Variants in EVC observed in about 807,000 individuals in gnomAD.
The protein encoded by EVC is EvC ciliary complex subunit 1, also known as evC complex member EVC.
Under a neutral mutation model 118.9 loss-of-function variants are expected in EVC, and 116 were observed. The ratio of observed to expected loss-of-function variants is 0.98; its 90% CI spans 0.84 to 1.14. The LOEUF (loss-of-function observed/expected upper bound fraction) is 1.14, where lower values mean the gene tolerates loss of function less well. Ranked by LOEUF, EVC falls within the 50% of genes most tolerant of loss-of-function variation. The probability of loss-of-function intolerance (pLI) is 0.00; values close to 1 mark genes in which losing one functional copy is unlikely to be tolerated. For synonymous variants in EVC, 619 were observed against 534.7 expected (o/e 1.16, Z -2.18); for missense variants, 1,401 against 1,246.4 (o/e 1.12, Z -1.87).
chr4:5,711,208 G>C lies in EVC; in HGVS notation c.-173G>C, dbSNP rs538106950. 1.2e-4 allele frequency: 35 copies of C among 288,392 alleles called. No individual in the cohort carries two copies. Among genetic ancestry groups the C allele is most frequent in the Non-Finnish European group, 1.7e-4 (32 of 191,756 alleles). The allele number at this position is 288,392 out of a possible 1,614,324, so 17.9% of individuals were successfully genotyped here. On this transcript the variant is annotated 5_prime_UTR_variant, in exon 1 of 21. Coordinates refer to ENST00000264956, the MANE Select transcript of EVC (RefSeq NM_153717.3). ...TGATCCAGGCTCCTCCCTCCGGCTC[G>C]GCGAAGCAGGGAAGGGGAGAGAAGC...
At chr4:5,794,400 A>G (rs1185566008) in intron 13 of EVC, among the ~76,000 whole-genome samples, 1 of 126,180 alleles carries the variant, frequency 7.9e-6, no homozygotes, top group East Asian at 2.8e-4. Flanking sequence ...TTTTATATAT[A>G]TATATATTTT....
Position 5,742,857 on chromosome 4 carries a change from GC to G in EVC, c.801+1045del, listed in dbSNP as rs1728815476. 6.6e-6 allele frequency among the ~76,000 whole-genome samples: 1 copy of G among 152,210 alleles called. No individual in the cohort carries two copies. Among genetic ancestry groups the G allele is most frequent in the Non-Finnish European group, 1.5e-5 (1 of 68,044 alleles). On this transcript the variant is annotated intron_variant, in intron 6 of 20. Coordinates refer to ENST00000264956, the MANE Select transcript of EVC (RefSeq NM_153717.3). This position sits in a 1 kb window ranked among gnomAD's most constrained non-coding sequence, Gnocchi z 5.2. ...CACCTAGGAAGGAATTCAAGGGAGA[GC>G]CAGTGGTGTTAGACAGTAGTGTTTT... is the stretch of plus-strand genomic sequence containing the variant.
At chr4:5,726,552 G>A (rs1725838322) in intron 2 of EVC, among the ~76,000 whole-genome samples, 1 of 135,556 alleles carries the variant, frequency 7.4e-6, no homozygotes, top group Non-Finnish European at 1.5e-5. Context: ...GCCCACTGAT[G>A]AGTTTCTTCT....
chr4:5,817,714 G>C (rs190729385), downstream of EVC, among the ~76,000 whole-genome samples: 14 of 152,330 alleles, frequency 9.2e-5, no homozygotes. Context: ...GAGTAACACA[G>C]AGGAGGGTTA....
At chr4:5,727,951 T>C (rs1308685942) in intron 2 of EVC, among the ~76,000 whole-genome samples, 2 of 149,410 alleles carry the variant, frequency 1.3e-5, no homozygotes, top group Non-Finnish European at 3.0e-5. Context: ...TTGGTACAAG[T>C]ACCATGCTGT....
chr4:5,761,089 C>G (rs1040816953), intron 11 of EVC, among the ~76,000 whole-genome samples: 2 of 152,162 alleles, frequency 1.3e-5, no homozygotes, highest in Non-Finnish European at 2.9e-5. Flanking sequence ...CCTGGCTGGG[C>G]GTCCTTGGGC....
Position 5,753,801 on chromosome 4 carries a change from C to T in EVC, c.1332C>T (p.Gly444=), listed in dbSNP as rs1173288360. ...ERFSREFVQR[G]KDLVTASLAH... is the part of the protein sequence containing the mutation. Reference sequence around the variant, plus strand: ...CAATCCCAGAGTTTGTCCAGCGAGGCAAAGACCTGGTCACGGCGTCTCTGG... The same window carrying T: ...CAATCCCAGAGTTTGTCCAGCGAGGTAAAGACCTGGTCACGGCGTCTCTGG... Residue 444 remains glycine, a synonymous_variant, in exon 10 of 21, where the codon GGC becomes GGT. Coordinates refer to ENST00000264956, the MANE Select transcript of EVC (RefSeq NM_153717.3). The T allele has an allele frequency of 6.2e-7, 1 of 1,614,044 alleles. No homozygotes were observed. The highest frequency in any genetic ancestry group is 8.5e-7 in the Non-Finnish European group (1 of 1,180,036).
chr4:5,767,015 T>C (rs1464266136), intron 11 of EVC, among the ~76,000 whole-genome samples: 1 of 150,340 alleles, frequency 6.7e-6, no homozygotes, highest in Admixed American at 6.6e-5. Flanking sequence ...CTCTGTTTTT[T>C]CCCCATCTTT....
Position 5,719,659 on chromosome 4 carries a change from C to T in EVC, c.300+286C>T, listed in dbSNP as rs1251061003. 1.3e-5 allele frequency among the ~76,000 whole-genome samples: 2 copies of T among 152,206 alleles called. No individual in the cohort carries two copies. The highest frequency in any genetic ancestry group is 4.8e-5 in the African/African-American group (2 of 41,460). On this transcript the variant is annotated intron_variant, in intron 2 of 20. Transcript: ENST00000264956. This position sits in a 1 kb window ranked among gnomAD's most constrained non-coding sequence, Gnocchi z 4.7. Reference sequence around the variant, plus strand: ...TCTGGTCACTTCCCGCCCCCACACACTTCCAGAGGTGCCCATGCGTGGGAT... The same window carrying T: ...TCTGGTCACTTCCCGCCCCCACACATTTCCAGAGGTGCCCATGCGTGGGAT...
chr4:5,807,546 T>A (rs554171721), intron 17 of EVC, among the ~76,000 whole-genome samples: 49 of 152,220 alleles, frequency 3.2e-4, no homozygotes, highest in African/African-American at 1.1e-3. Flanking sequence ...GTGGCTGGAT[T>A]TGGATGTTCC....
In EVC at chr4:5,743,870, C is replaced by G. The variant is rs557133608; in HGVS notation, c.802-1334C>G. 1.5e-4 allele frequency among the ~76,000 whole-genome samples: 23 copies of G among 152,250 alleles called. No individual in the cohort carries two copies. The highest frequency in any genetic ancestry group is 5.3e-4 in the African/African-American group (22 of 41,544). On this transcript the variant is annotated intron_variant, in intron 6 of 20. Coordinates refer to ENST00000264956, the MANE Select transcript of EVC (RefSeq NM_153717.3). This position sits in a 1 kb window ranked among gnomAD's most constrained non-coding sequence, Gnocchi z 4.7. Reference sequence around the variant, plus strand: ...ACTGAGACTCCATAAGTTCAAATGACTTTCCAATGGCAAAAATGATAATGA... The same window carrying G: ...ACTGAGACTCCATAAGTTCAAATGAGTTTCCAATGGCAAAAATGATAATGA...
intron 12 of EVC, among the ~76,000 whole-genome samples, chr4:5,786,078 C>T (rs755718705): frequency 6.6e-6 from 1 of 152,204 alleles, no homozygotes; most frequent in Admixed American, 6.5e-5. Context: ...CATTAATGGG[C>T]TGTGTGACTT....
chr4:5,790,720 CAG>C (rs1443900290), intron 12 of EVC, among the ~76,000 whole-genome samples: 2 of 152,106 alleles, frequency 1.3e-5, no homozygotes, highest in African/African-American at 4.8e-5. Flanking sequence ...CTTTTAAAAA[CAG>C]AGGAGATTAA....
chr4:5,825,645 T>C, the EVC span: 3 of 1,611,904 alleles, frequency 1.9e-6, no homozygotes, highest in African/African-American at 2.7e-5. The surrounding 1 kb of genome is among the most constrained non-coding windows in gnomAD (Gnocchi z 4.4). Flanking sequence ...TGGAAACCCC[T>C]TGCAATCCAA....
chr4:5,827,071 C>G, the EVC span, among the ~76,000 whole-genome samples: 1 of 152,224 alleles, frequency 6.6e-6, no homozygotes, highest in Non-Finnish European at 1.5e-5. Context: ...CTCTCCTTCA[C>G]CTGGTCTAGC....
chr4:5,730,847 G>A (rs1170545817), intron 3 of EVC, among the ~76,000 whole-genome samples: 1 of 152,126 alleles, frequency 6.6e-6, no homozygotes, highest in Non-Finnish European at 1.5e-5. Context: ...AGCCAGAGGT[G>A]GAGGCTGACA....
At chr4:5,814,523 G>A (rs1295048710), downstream of EVC, among the ~76,000 whole-genome samples, 1 of 152,120 alleles carries the variant, frequency 6.6e-6, no homozygotes, top group African/African-American at 2.4e-5. Flanking sequence ...GTTCTCCAAC[G>A]CAAATCTGCC....
chr4:5,739,899 C>CA (rs11343689), intron 5 of EVC, among the ~76,000 whole-genome samples: 26,111 of 120,364 alleles, frequency 0.22, 2,970 homozygotes, highest in East Asian at 0.41. Context: ...AACCCCATCT[C>CA]AAAAAAAAAA....
At chr4:5,786,050 T>A (rs570212376) in intron 12 of EVC, among the ~76,000 whole-genome samples, 22 of 152,174 alleles carry the variant, frequency 1.4e-4, no homozygotes, top group Non-Finnish European at 8.8e-5. Context: ...AAGATATGGG[T>A]TTGAGCCAGA....
Sources: allele counts gnomAD v4.1 joint callset (sites outside exome capture counted in the v4.1 genomes callset), GRCh38; gene constraint gnomAD v4.1.1; non-coding constraint Gnocchi (gnomAD v3.1); transcripts MANE v1.5; gene names NCBI Gene and HGNC (gene_info 2026-07-23, HGNC 2026-07-21).